Variants in PCDHGA4 observed in about 807,000 individuals in gnomAD.
The protein encoded by PCDHGA4 is protocadherin gamma subfamily A, 4, also known as protocadherin gamma-A4.
Under a neutral mutation model 54.6 loss-of-function variants are expected in PCDHGA4, and 38 were observed. The observed-to-expected ratio is 0.70, with a 90% CI of 0.54 to 0.91. The LOEUF (loss-of-function observed/expected upper bound fraction) is 0.91, where lower values mean the gene tolerates loss of function less well. Among genes scored for constraint, PCDHGA4 ranks in the 40% least tolerant of loss-of-function variants. The probability of loss-of-function intolerance (pLI) is 0.00; values close to 1 mark genes in which losing one functional copy is unlikely to be tolerated. For missense variants in PCDHGA4, 1,298 were observed against 1,220.9 expected (o/e 1.06, Z -0.94); for synonymous variants, 511 against 512.9 (o/e 1.00, Z 0.05).
intron 2 of PCDHGA4, among the ~76,000 whole-genome samples, chr5:141,503,100 G>A (rs563699751): frequency 6.6e-6 from 1 of 151,592 alleles, no homozygotes; most frequent in South Asian, 2.1e-4. Context: ...TGGTCTGCCC[G>A]CCCCTGCCTC....
chr5:141,395,034 G>C, intron 1 of PCDHGA4: 1 of 1,614,150 alleles, frequency 6.2e-7, no homozygotes, highest in South Asian at 1.1e-5. Flanking sequence ...CTCACATTTT[G>C]TGGGTGTTGA....
chr5:141,448,179 G>C (rs763996329), intron 1 of PCDHGA4, among the ~76,000 whole-genome samples: 1 of 151,982 alleles, frequency 6.6e-6, no homozygotes, highest in Non-Finnish European at 1.5e-5. Context: ...ATTCATCCCT[G>C]GTTATGTACA....
In PCDHGA4 at chr5:141,491,942, C is replaced by A; in HGVS notation, c.2515-2865C>A. The A allele has an allele frequency of 8.9e-7, 1 of 1,122,490 alleles. No individual in the cohort carries two copies. The highest frequency in any genetic ancestry group is 1.2e-6 in the Non-Finnish European group (1 of 824,374). 69.5% of individuals were successfully genotyped at this position (1,122,490 alleles called of 1,614,324 possible). The stretch of plus-strand genomic sequence containing the variant: ...GGCGAGGGGAGGTGGGACCGACCCC[C>A]ACCCCTACACTCAAAAAAGGCCGGG... On this transcript the variant is annotated intron_variant, in intron 1 of 3. Transcript: ENST00000571252. The surrounding 1 kb of genome is among the most constrained non-coding windows in gnomAD (Gnocchi z 6.9).
rs760572189 is a variant in PCDHGA4 at position 141,477,159 on chromosome 5, A to G, written c.2515-17648A>G. ...GTGGAGGTTGTGGATGTGAATGACA[A>G]CGCCCCGGAGATCACAGTCACCTCC... is the stretch of plus-strand genomic sequence containing the variant. On this transcript the variant is annotated intron_variant, in intron 1 of 3. Transcript: ENST00000571252. The surrounding 1 kb of genome is among the most constrained non-coding windows in gnomAD (Gnocchi z 4.9). The G allele has an allele frequency of 1.7e-5, 28 of 1,613,854 alleles. No individual in the cohort carries two copies. In the South Asian group the frequency reaches 3.1e-4, roughly 18 times the overall value.
chr5:141,403,083 T>C lies in PCDHGA4; in HGVS notation c.2514+45462T>C, dbSNP rs775664314. 7 of 1,613,932 alleles carry C rather than the reference T, an allele frequency of 4.3e-6. No individual in the cohort carries two copies. The highest frequency in any genetic ancestry group is 2.7e-5 in the African/African-American group (2 of 74,948). ...CCTGAAGAGACAGAAAAGGGCTATATTGTGGGCAACATCTCCAAGGACCTG... is the reference window on the plus strand; with the variant it reads ...CCTGAAGAGACAGAAAAGGGCTATACTGTGGGCAACATCTCCAAGGACCTG... On this transcript the variant is annotated intron_variant, in intron 1 of 3. Transcript: ENST00000571252.
chr5:141,375,981 T>A, intron 1 of PCDHGA4: 1 of 1,613,410 alleles, frequency 6.2e-7, no homozygotes, highest in Non-Finnish European at 8.5e-7. Flanking sequence ...CGCGCCCTGC[T>A]GGACAGAGAC....
chr5:141,476,986 C>A lies in PCDHGA4; in HGVS notation c.2515-17821C>A. ...CCTTCGGCAGCCACAACCGCGCCGG[C>A]GTGCGGCAACTATTCGCCTTAGACC... On this transcript the variant is annotated intron_variant, in intron 1 of 3. Transcript: ENST00000571252. The surrounding 1 kb of genome is among the most constrained non-coding windows in gnomAD (Gnocchi z 7.6). 6.2e-7 allele frequency: 1 copy of A among 1,614,218 alleles called. No individual in the cohort carries two copies. The highest frequency in any genetic ancestry group is 8.5e-7 in the Non-Finnish European group (1 of 1,180,042).
chr5:141,507,101 T>C (rs1341285140), intron 3 of PCDHGA4: 2 of 152,204 alleles, frequency 1.3e-5, no homozygotes, highest in African/African-American at 2.4e-5. Flanking sequence ...CTTTCTACTA[T>C]AGGGACCATG....
In PCDHGA4 at chr5:141,362,669, C is replaced by T. The variant is rs1028170696; in HGVS notation, c.2514+5048C>T. 8.6e-6 allele frequency: 11 copies of T among 1,279,762 alleles called. No individual in the cohort carries two copies. The African/African-American group carries it at 1.4e-4, about 16-fold the overall frequency. The allele number at this position is 1,279,762 out of a possible 1,614,324, so 79.3% of individuals were successfully genotyped here. ...TGAGTTAGATTTGGCCAATGTTGTG[C>T]CTTAATTGTCTTAATCTTATCTAAC... is the stretch of plus-strand genomic sequence containing the variant. On this transcript the variant is annotated intron_variant, in intron 1 of 3. Transcript: ENST00000571252.
At position 141,477,626 on chromosome 5, in the gene PCDHGA4, G is replaced by A. The variant is rs201987467; in HGVS notation, c.2515-17181G>A. The A allele has an allele frequency of 1.9e-5, 31 of 1,614,052 alleles. No individual in the cohort carries two copies. The highest frequency in any genetic ancestry group is 2.5e-5 in the Non-Finnish European group (30 of 1,180,044). Reference sequence around the variant, plus strand: ...TCTCTTGGAGCAAGGAGCTGAAACCGGGCTAGTGGGTCGCTATTTCACAAT... The same window carrying A: ...TCTCTTGGAGCAAGGAGCTGAAACCAGGCTAGTGGGTCGCTATTTCACAAT... On this transcript the variant is annotated intron_variant, in intron 1 of 3. Transcript: ENST00000571252. This position sits in a 1 kb window ranked among gnomAD's most constrained non-coding sequence, Gnocchi z 4.9.
In PCDHGA4 at chr5:141,489,561, G is replaced by A. The variant is rs1750812409; in HGVS notation, c.2515-5246G>A. 6.2e-7 allele frequency: 1 copy of A among 1,614,106 alleles called. No homozygotes were observed. Among genetic ancestry groups the A allele is most frequent in the Non-Finnish European group, 8.5e-7 (1 of 1,180,026 alleles). On this transcript the variant is annotated intron_variant, in intron 1 of 3. Coordinates refer to ENST00000571252, the MANE Select transcript of PCDHGA4 (RefSeq NM_018917.4). The surrounding 1 kb of genome is among the most constrained non-coding windows in gnomAD (Gnocchi z 4.5). Reference sequence around the variant, plus strand: ...GCACCAGCTGCCTGCTGCCAGTGCAGGTGGTGACTGAACACCCCCTGGAGC... The same window carrying A: ...GCACCAGCTGCCTGCTGCCAGTGCAAGTGGTGACTGAACACCCCCTGGAGC...
chr5:141,423,777 T>A, intron 1 of PCDHGA4: 1 of 1,159,844 alleles, frequency 8.6e-7, no homozygotes, highest in Non-Finnish European at 1.1e-6. Flanking sequence ...GGCATATATT[T>A]AGTTCATATA....
intron 1 of PCDHGA4, chr5:141,360,189 G>C: frequency 6.2e-7 from 1 of 1,611,554 alleles, no homozygotes; most frequent in Non-Finnish European, 8.5e-7. Flanking sequence ...AGGTACTGTT[G>C]CCCTTCCTGT....
At position 141,404,169 on chromosome 5, in the gene PCDHGA4, C is replaced by A; in HGVS notation, c.2514+46548C>A. On this transcript the variant is annotated intron_variant, in intron 1 of 3. Transcript: ENST00000571252. Reference sequence around the variant, plus strand: ...GAAGAAGATTATTACAGATTGTTGACGGCCCAAATTCTTGACCGAGAAAAA... The same window carrying A: ...GAAGAAGATTATTACAGATTGTTGAAGGCCCAAATTCTTGACCGAGAAAAA... 1 of 1,612,736 alleles carries A rather than the reference C, an allele frequency of 6.2e-7. No individual in the cohort carries two copies. The highest frequency in any genetic ancestry group is 8.5e-7 in the Non-Finnish European group (1 of 1,179,276).
chr5:141,498,880 C>G (rs1334510457), intron 2 of PCDHGA4, among the ~76,000 whole-genome samples: 1 of 150,028 alleles, frequency 6.7e-6, no homozygotes, highest in African/African-American at 2.4e-5. Flanking sequence ...TTGCAGTGAG[C>G]TGAGATCACA....
At chr5:141,403,054 A>C in intron 1 of PCDHGA4, 1 of 1,614,062 alleles carries the variant, frequency 6.2e-7, no homozygotes, top group Middle Eastern at 1.6e-4. Flanking sequence ...TTCGCTACTC[A>C]GTGCCTGAAG....
At chr5:141,366,024 C>G in intron 1 of PCDHGA4, 1 of 1,614,260 alleles carries the variant, frequency 6.2e-7, no homozygotes, top group Non-Finnish European at 8.5e-7. Context: ...ATCCTGTACC[C>G]CGCCCTCCCC....
intron 1 of PCDHGA4, chr5:141,398,485 A>G: frequency 6.2e-7 from 1 of 1,608,602 alleles, no homozygotes; most frequent in Non-Finnish European, 8.5e-7. Context: ...TTATCACGTG[A>G]ATGTGGAGAT....
intron 1 of PCDHGA4, chr5:141,430,875 T>A (rs1323872183): frequency 6.3e-7 from 1 of 1,599,400 alleles, no homozygotes; most frequent in Non-Finnish European, 8.5e-7. Context: ...CCGGAAGAGC[T>A]GGAGAAAGGC....
Sources: allele counts gnomAD v4.1 joint callset (sites outside exome capture counted in the v4.1 genomes callset), GRCh38; gene constraint gnomAD v4.1.1; non-coding constraint Gnocchi (gnomAD v3.1); transcripts MANE v1.5; gene names NCBI Gene and HGNC (gene_info 2026-07-23, HGNC 2026-07-21).